The following AATK variants were observed in gnomAD, a reference collection of about 807,000 sequenced individuals.
AATK encodes the protein serine/threonine-protein kinase LMTK1.
Under a neutral mutation model 114.3 loss-of-function variants are expected in AATK, and 91 were observed. The observed-to-expected ratio is 0.80, with a 90% CI of 0.67 to 0.95. The LOEUF (loss-of-function observed/expected upper bound fraction) is 0.95. AATK is among the 40% of genes least tolerant of loss of function. AATK has a pLI of 0.00. For synonymous variants in AATK, 1,075 were observed against 916.5 expected (o/e 1.17, Z -3.12); for missense variants, 2,176 against 1,965.2 (o/e 1.11, Z -2.03).
intron 13 of AATK, among the ~76,000 whole-genome samples, chr17:81,119,040 C>T (rs997457359): frequency 6.6e-6 from 1 of 152,154 alleles, no homozygotes; most frequent in Non-Finnish European, 1.5e-5. Flanking sequence ...CCTGGGTCTG[C>T]AGGGACTTCT....
At chr17:81,125,544 G>C (rs1389399201) in intron 7 of AATK, among the ~76,000 whole-genome samples, 2 of 152,204 alleles carry the variant, frequency 1.3e-5, no homozygotes, top group African/African-American at 4.8e-5. Context: ...GGGTTGGGTA[G>C]GGTCTGGAAA....
At chr17:81,148,283 G>A (rs779527134) in intron 1 of AATK, among the ~76,000 whole-genome samples, 11 of 152,288 alleles carry the variant, frequency 7.2e-5, no homozygotes, top group Middle Eastern at 3.4e-3. Context: ...TTACAGAGCC[G>A]CGCTGGACGC....
Position 81,128,523 on chromosome 17 carries a change from C to G in AATK, c.361G>C (p.Gly121Arg). The change falls in exon 4 of 14, where the codon GGC (glycine) becomes CGC (arginine). Residue 121 changes from glycine (G) to arginine (R), a missense_variant. Around this residue, in one of 4 missense-constraint regions of AATK, gnomAD observed 178 missense variants for 175.4 expected, o/e 1.01. Transcript: ENST00000326724. ...SVQLLKSTDV[G>R]RHSLLYLKEI... ...TTCAGGTACAGGAGGCTGTGCCGGC[C>G]CACGTCTGTGGACTTGAGGAGCTGC... The G allele has an allele frequency of 6.5e-7, 1 of 1,549,326 alleles. No individual in the cohort carries two copies.
rs929776121 is a variant in AATK at position 81,123,795 on chromosome 17, G to C, written c.963-452C>G. Among the ~76,000 whole-genome samples the C allele has an allele frequency of 2.0e-5, 3 of 152,148 alleles. No homozygotes were observed. The South Asian group carries it at 6.2e-4, about 32-fold the overall frequency. On this transcript the variant is annotated intron_variant, in intron 9 of 13. Transcript: ENST00000326724. ...CTCAGGCCAGCATGGGCAGGGCTGGGTAACAGGCAGGGGTGCACAGAGCGT... is the reference window on the plus strand; with the variant it reads ...CTCAGGCCAGCATGGGCAGGGCTGGCTAACAGGCAGGGGTGCACAGAGCGT...
intron 1 of AATK, among the ~76,000 whole-genome samples, chr17:81,164,856 C>T (rs1029638919): frequency 1.3e-5 from 2 of 152,192 alleles, no homozygotes; most frequent in South Asian, 2.1e-4. Flanking sequence ...GAGCAAGTGA[C>T]ACCCACAGCC....
intron 1 of AATK, among the ~76,000 whole-genome samples, chr17:81,140,908 GCCGTGGGGCCGTGGGA>G (rs1447268914): frequency 8.5e-5 from 9 of 106,008 alleles, no homozygotes; most frequent in South Asian, 7.1e-4. Flanking sequence ...GAGCCGTGGG[GCCGTGGGGCCGTGGGA>G]CCGTGGGACC....
chr17:81,163,553 C>CA (rs1246510233), intron 1 of AATK, among the ~76,000 whole-genome samples: 2 of 152,224 alleles, frequency 1.3e-5, no homozygotes, highest in African/African-American at 4.8e-5. Context: ...CTGCAGCTGC[C>CA]AAGAAATCCC....
At position 81,128,035 on chromosome 17, in the gene AATK, G is replaced by T. The variant is rs559708742; in HGVS notation, c.415-125C>A. 116 of 1,188,358 alleles carry T rather than the reference G, an allele frequency of 9.8e-5. 1 individual carries two copies. In the East Asian group the frequency reaches 2.8e-3, roughly 29 times the overall value. The allele number at this position is 1,188,358 out of a possible 1,614,324, so 73.6% of individuals were successfully genotyped here. ...CAGGACACTTCTCCTCCTGTGCCCC[G>T]TCCACTCATTGCAGCGTGAGGTATG... On this transcript the variant is annotated intron_variant, in intron 4 of 13. Coordinates refer to ENST00000326724, the MANE Select transcript of AATK (RefSeq NM_001080395.3).
chr17:81,138,468 C>T (rs2061060585), intron 1 of AATK, among the ~76,000 whole-genome samples: 1 of 150,590 alleles, frequency 6.6e-6, no homozygotes, highest in Non-Finnish European at 1.5e-5. Flanking sequence ...CACACACCCA[C>T]CCACATGCAC....
rs55881512 is a variant in AATK at position 81,121,956 on chromosome 17, G to T, written c.1980C>A (p.Gly660=). The change falls in exon 11 of 14, where the codon GGC becomes GGA. Residue 660 remains glycine, a synonymous_variant. Transcript: ENST00000326724. ...SSGAPPLPLT[G]EDELEEVGAR... ...CTCCCACCTCCTCTAGCTCATCCTC[G>T]CCAGTCAGCGGCAGCGGGGGCGCCC... 1.3e-6 allele frequency: 2 copies of T among 1,599,566 alleles called. No individual in the cohort carries two copies. Among genetic ancestry groups the T allele is most frequent in the Non-Finnish European group, 1.7e-6 (2 of 1,176,980 alleles).
At chr17:81,162,852 C>T (rs1290378811) in intron 1 of AATK, among the ~76,000 whole-genome samples, 1 of 152,106 alleles carries the variant, frequency 6.6e-6, no homozygotes, top group Non-Finnish European at 1.5e-5. Flanking sequence ...GGTGGCAAAT[C>T]CAGGCTGCCA....
At chr17:81,145,234 C>CAAAAA (rs761538299) in intron 1 of AATK, among the ~76,000 whole-genome samples, 4 of 121,112 alleles carry the variant, frequency 3.3e-5, no homozygotes, top group South Asian at 5.7e-4. Context: ...GAGACTCCAT[C>CAAAAA]AAAAAAAAAA....
At chr17:81,138,199 A>C (rs1001051954) in intron 1 of AATK, among the ~76,000 whole-genome samples, 5 of 148,886 alleles carry the variant, frequency 3.4e-5, no homozygotes, top group East Asian at 2.0e-4. Flanking sequence ...GCACACACAC[A>C]CACACCCCCA....
chr17:81,126,400 C>A lies in AATK; in HGVS notation c.755+27G>T. 6.5e-7 allele frequency: 1 copy of A among 1,543,798 alleles called. No homozygotes were observed. On this transcript the variant is annotated intron_variant, in intron 7 of 13. Coordinates refer to ENST00000326724, the MANE Select transcript of AATK (RefSeq NM_001080395.3). The surrounding 1 kb of genome is among the most constrained non-coding windows in gnomAD (Gnocchi z 5.1). The stretch of plus-strand genomic sequence containing the variant: ...GGGAGGGGCCTGGCCTAGGGCTTCC[C>A]GGCCGCTGGCCCGCGCCCGCCCTCA...
At chr17:81,134,262 C>G (rs886947206) in intron 2 of AATK, 106 bp downstream of exon 2, 1 of 1,467,996 alleles carries the variant, frequency 6.8e-7, no homozygotes, top group African/African-American at 1.4e-5. Flanking sequence ...GGCCACCCAG[C>G]AGCCACCTTG....
At chr17:81,145,258 AAAAAGAAAAAAG>A (rs1235380915) in intron 1 of AATK, among the ~76,000 whole-genome samples, 2 of 30,096 alleles carry the variant, frequency 6.6e-5, no homozygotes, top group African/African-American at 9.4e-5. Flanking sequence ...AAAGAAAAAG[AAAAAGAAAAAAG>A]AAAAAAATAG....
chr17:81,131,505 C>T (rs1446997664), intron 2 of AATK, among the ~76,000 whole-genome samples: 3 of 152,184 alleles, frequency 2.0e-5, no homozygotes. Context: ...AGAAAGGGCG[C>T]GATGAGCTGT....
chr17:81,158,732 C>A (rs868234560), intron 1 of AATK, among the ~76,000 whole-genome samples: 143 of 152,344 alleles, frequency 9.4e-4, no homozygotes, highest in African/African-American at 3.0e-3. Context: ...TGACATCTTT[C>A]GCCACAGAAA....
At chr17:81,134,317 A>T in intron 2 of AATK, 51 bp downstream of exon 2, 2 of 1,607,244 alleles carry the variant, frequency 1.2e-6, no homozygotes, top group Non-Finnish European at 1.7e-6. Context: ...TGGACGCTAC[A>T]GGCCTTGCCT....
Sources: gnomAD v4.1 joint callset for allele counts (sites outside exome capture counted in the v4.1 genomes callset) on GRCh38, gnomAD v4.1.1 for gene constraint, gnomAD v4.1.1 regional missense constraint, Gnocchi (gnomAD v3.1) non-coding constraint, MANE v1.5 for transcripts, NCBI Gene and HGNC (gene_info 2026-07-23, HGNC 2026-07-21) for gene names.